TRDN: variants seen among roughly 807,000 people sequenced by gnomAD.
The protein encoded by TRDN is triadin.
Under a neutral mutation model 149.7 loss-of-function variants are expected in TRDN, and 161 were observed. The observed-to-expected ratio is 1.08, with a 90% CI of 0.95 to 1.23. The LOEUF (loss-of-function observed/expected upper bound fraction) is 1.23. Among genes scored for constraint, TRDN ranks in the 50% most tolerant of loss-of-function variants. TRDN has a pLI of 0.00. For missense variants in TRDN, 896 were observed against 823.5 expected (o/e 1.09, Z -1.08); for synonymous variants, 294 against 250.5 (o/e 1.17, Z -1.64).
At chr6:123,527,336 A>G (rs187428932) in intron 5 of TRDN, among the ~76,000 whole-genome samples, 63 of 152,136 alleles carry the variant, frequency 4.1e-4, no homozygotes, top group Middle Eastern at 6.8e-3. Context: ...TATTTAAAAC[A>G]TCTGTGGGCA....
chr6:123,493,148 C>A (rs1778295314), intron 9 of TRDN, among the ~76,000 whole-genome samples: 1 of 151,976 alleles, frequency 6.6e-6, no homozygotes, highest in Admixed American at 6.6e-5. Flanking sequence ...TGCCAGTTGC[C>A]CATAGGACCA....
At chr6:123,287,360 G>C (rs889606207) in intron 24 of TRDN, among the ~76,000 whole-genome samples, 1 of 152,070 alleles carries the variant, frequency 6.6e-6, no homozygotes. Flanking sequence ...AGATTACTGG[G>C]GGAGAATTCT....
intron 10 of TRDN, chr6:123,464,366 A>AGTT: frequency 1.0e-6 from 1 of 974,304 alleles, no homozygotes. Context: ...ACATATACAT[A>AGTT]AAACAGTATT....
chr6:123,600,998 T>C (rs1326077578), intron 1 of TRDN, among the ~76,000 whole-genome samples: 4 of 152,064 alleles, frequency 2.6e-5, no homozygotes, highest in African/African-American at 9.7e-5. Flanking sequence ...AATATGAAAA[T>C]ACTTGGAAAA....
rs367716265 is a variant in TRDN, at chr6:123,267,714, T to G, written c.1776A>C (p.Ile592=). The change falls in exon 32 of 41, where the codon ATA becomes ATC. Residue 592 remains isoleucine (I), a synonymous_variant. Coordinates refer to ENST00000334268, the MANE Select transcript of TRDN (RefSeq NM_006073.4). ...AEHREREPPS[I]KTDKPKPTPK... Reference sequence around the variant, plus strand: ...CCAAAAATGGTAAAATACCTGTTTTTATAGATGGAGGTTCTCTTTCTCGAT... The same window carrying G: ...CCAAAAATGGTAAAATACCTGTTTTGATAGATGGAGGTTCTCTTTCTCGAT... 1.5e-5 allele frequency: 23 copies of G among 1,577,308 alleles called. No individual in the cohort carries two copies. Among genetic ancestry groups the G allele is most frequent in the Non-Finnish European group, 1.9e-5 (22 of 1,161,390 alleles).
chr6:123,247,035 T>C (rs112962555), intron 38 of TRDN, among the ~76,000 whole-genome samples: 138 of 152,312 alleles, frequency 9.1e-4, no homozygotes, highest in African/African-American at 3.3e-3. Context: ...GGAAAAGTCC[T>C]TTGATTAAAT....
chr6:123,590,021 G>T (rs1783703002), intron 1 of TRDN, among the ~76,000 whole-genome samples: 1 of 152,024 alleles, frequency 6.6e-6, no homozygotes, highest in South Asian at 2.1e-4. Context: ...CCATTTGTTG[G>T]AAAAGTAGTG....
intron 9 of TRDN, among the ~76,000 whole-genome samples, chr6:123,479,146 T>G (rs1258887663): frequency 6.6e-6 from 1 of 152,168 alleles, no homozygotes; most frequent in Non-Finnish European, 1.5e-5. Context: ...TTATAGTATT[T>G]TTAGAGTGCT....
chr6:123,478,747 A>T (rs1415305886), intron 9 of TRDN, among the ~76,000 whole-genome samples: 1 of 152,170 alleles, frequency 6.6e-6, no homozygotes, highest in African/African-American at 2.4e-5. Context: ...TGGGATTTCA[A>T]ATTTTCAGTG....
intron 8 of TRDN, chr6:123,501,830 T>C: frequency 2.2e-6 from 2 of 889,454 alleles, no homozygotes; most frequent in Non-Finnish European, 2.7e-6. Context: ...AAAAGGGATA[T>C]GGTAATATAA....
chr6:123,255,201 C>A (rs1776515352), intron 36 of TRDN, 76 bp from the exon 37 acceptor site: 7 of 655,908 alleles, frequency 1.1e-5, no homozygotes, highest in Non-Finnish European at 1.4e-5. Context: ...CTCACATCAA[C>A]GAATGAGGAT....
chr6:123,492,869 G>A (rs905107459), intron 9 of TRDN, among the ~76,000 whole-genome samples: 1 of 152,136 alleles, frequency 6.6e-6, no homozygotes, highest in African/African-American at 2.4e-5. Context: ...AGGAAAAAAA[G>A]TGGAGGTTAA....
At chr6:123,621,629 CTT>C (rs1485078330) in intron 1 of TRDN, among the ~76,000 whole-genome samples, 2 of 152,078 alleles carry the variant, frequency 1.3e-5, no homozygotes, top group Non-Finnish European at 1.5e-5. Context: ...ATAGATGACT[CTT>C]ATAAACAAAA....
At chr6:123,393,729 T>A (rs1562292524) in intron 12 of TRDN, 52 bp from the exon 13 acceptor site, 2 of 1,520,306 alleles carry the variant, frequency 1.3e-6, no homozygotes, top group Admixed American at 2.0e-5. Flanking sequence ...TGGAAAAATA[T>A]ATAAATAAAA....
At chr6:123,282,050 G>C (rs1777604528) in intron 24 of TRDN, among the ~76,000 whole-genome samples, 1 of 151,870 alleles carries the variant, frequency 6.6e-6, no homozygotes, top group Admixed American at 6.6e-5. Flanking sequence ...ATGATCAAAA[G>C]AGGAAAAGAG....
chr6:123,237,056 T>A lies in TRDN; in HGVS notation c.1976-12925A>T, dbSNP rs536291866. Among the ~76,000 whole-genome samples the A allele has an allele frequency of 5.9e-5, 9 of 152,272 alleles. No individual in the cohort carries two copies. In the East Asian group the frequency reaches 1.7e-3, roughly 29 times the overall value. On this transcript the variant is annotated intron_variant, in intron 38 of 40. Transcript: ENST00000334268. ...GAATATGGTATAGCTCTACTTATTT[T>A]AGATTTTCTTTAATAATTTTTATCA...
At chr6:123,548,406 A>G (rs1781221596) in intron 3 of TRDN, 48 bp downstream of exon 3, 1 of 1,369,838 alleles carries the variant, frequency 7.3e-7, no homozygotes, top group Admixed American at 3.2e-5. Context: ...TATAATACAT[A>G]TTTAATGTTG....
intron 21 of TRDN, among the ~76,000 whole-genome samples, chr6:123,346,835 T>C (rs1157906036): frequency 6.6e-6 from 1 of 151,930 alleles, no homozygotes; most frequent in African/African-American, 2.4e-5. Flanking sequence ...AATACGATGA[T>C]AAAGGGCTCA....
chr6:123,470,216 C>A (rs1777077122), intron 9 of TRDN: 1 of 151,934 alleles, frequency 6.6e-6, no homozygotes, highest in Non-Finnish European at 1.5e-5. Flanking sequence ...TATAGGACTT[C>A]CTCTGAGGAT....
Sources: allele counts gnomAD v4.1 joint callset (sites outside exome capture counted in the v4.1 genomes callset), GRCh38; gene constraint gnomAD v4.1.1; transcripts MANE v1.5; gene names NCBI Gene and HGNC (gene_info 2026-07-23, HGNC 2026-07-21).